ZNF804B: variants seen among roughly 807,000 people sequenced by gnomAD.
The protein encoded by ZNF804B is zinc finger 804B.
ZNF804B carries 80 observed loss-of-function variants against 101.4 expected under a neutral mutation model. The ratio of observed to expected loss-of-function variants is 0.79; its 90% confidence interval spans 0.66 to 0.95. The LOEUF (loss-of-function observed/expected upper bound fraction) is 0.95, where lower values mean the gene tolerates loss of function less well. Among genes scored for constraint, ZNF804B ranks in the 40% least tolerant of loss-of-function variants. ZNF804B has a pLI of 0.00. For synonymous variants in ZNF804B, 622 were observed against 558.8 expected (o/e 1.11, Z -1.59); for missense variants, 1,673 against 1,561.9 (o/e 1.07, Z -1.20).
intron 1 of ZNF804B, among the ~76,000 whole-genome samples, chr7:89,035,509 TG>T (rs1788911997): frequency 6.6e-6 from 1 of 151,938 alleles, no homozygotes; most frequent in African/African-American, 2.4e-5. Flanking sequence ...TCACACATGA[TG>T]GAAAAAAATG....
At chr7:89,016,396 A>T (rs1307320174) in intron 1 of ZNF804B, among the ~76,000 whole-genome samples, 1 of 150,024 alleles carries the variant, frequency 6.7e-6, no homozygotes, top group Middle Eastern at 3.3e-3. Context: ...GGTGTTTTAG[A>T]CATGAAGTCC....
intron 1 of ZNF804B, among the ~76,000 whole-genome samples, chr7:88,876,182 CAG>C (rs1791936899): frequency 6.6e-6 from 1 of 152,198 alleles, no homozygotes; most frequent in African/African-American, 2.4e-5. Flanking sequence ...CTTTCCCAGA[CAG>C]ATCAGTTTTA....
At chr7:89,170,578 A>G (rs1201493868) in intron 1 of ZNF804B, among the ~76,000 whole-genome samples, 1 of 152,178 alleles carries the variant, frequency 6.6e-6, no homozygotes, top group Non-Finnish European at 1.5e-5. Flanking sequence ...AGGATTTGTG[A>G]GTCTCCAGTA....
At chr7:89,142,506 C>T (rs1490874034) in intron 1 of ZNF804B, among the ~76,000 whole-genome samples, 2 of 151,962 alleles carry the variant, frequency 1.3e-5, no homozygotes, top group Non-Finnish European at 2.9e-5. Flanking sequence ...CTCTTGGTAT[C>T]CATTGCTTTG....
chr7:88,771,317 GT>G (rs1163624043), intron 1 of ZNF804B, among the ~76,000 whole-genome samples: 1 of 152,042 alleles, frequency 6.6e-6, no homozygotes, highest in Non-Finnish European at 1.5e-5. Flanking sequence ...TCTAGACATA[GT>G]GGCATATAAA....
intron 1 of ZNF804B, among the ~76,000 whole-genome samples, chr7:88,786,763 A>G (rs954423921): frequency 6.6e-6 from 1 of 152,118 alleles, no homozygotes. Context: ...TTCCATTTCA[A>G]TAATGAAAAT....
intron 1 of ZNF804B, among the ~76,000 whole-genome samples, chr7:88,916,989 G>A (rs1041512535): frequency 5.9e-5 from 9 of 152,098 alleles, no homozygotes; most frequent in Non-Finnish European, 1.3e-4. Context: ...ATTGGGCTGG[G>A]TGCGGTGGCT....
At chr7:89,155,251 G>A (rs906887936) in intron 1 of ZNF804B, among the ~76,000 whole-genome samples, 1 of 151,958 alleles carries the variant, frequency 6.6e-6, no homozygotes, top group Non-Finnish European at 1.5e-5. Flanking sequence ...ACTTCACACT[G>A]GATAAATCCA....
At chr7:89,075,807 C>A (rs1206329214) in intron 1 of ZNF804B, among the ~76,000 whole-genome samples, 1 of 152,202 alleles carries the variant, frequency 6.6e-6, no homozygotes, top group East Asian at 1.9e-4. Context: ...GGAGGCTGTA[C>A]CCTTAACAGC....
intron 3 of ZNF804B, among the ~76,000 whole-genome samples, chr7:89,331,066 G>A (rs1398893301): frequency 6.6e-6 from 1 of 151,408 alleles, no homozygotes; most frequent in African/African-American, 2.4e-5. Flanking sequence ...AATTGGGAAA[G>A]GAAGAACAAT....
At chr7:89,244,258 T>C (rs1445113142) in intron 2 of ZNF804B, among the ~76,000 whole-genome samples, 1 of 152,074 alleles carries the variant, frequency 6.6e-6, no homozygotes, top group Non-Finnish European at 1.5e-5. Flanking sequence ...CTATACAGCT[T>C]ATGACAAAGA....
intron 1 of ZNF804B, among the ~76,000 whole-genome samples, chr7:89,169,517 G>C (rs925804051): frequency 1.3e-5 from 2 of 152,112 alleles, no homozygotes; most frequent in African/African-American, 2.4e-5. Flanking sequence ...ACCTTCCCCA[G>C]CTAGGCTTAG....
intron 1 of ZNF804B, among the ~76,000 whole-genome samples, chr7:89,078,008 T>C (rs917587109): frequency 6.6e-6 from 1 of 152,110 alleles, no homozygotes; most frequent in Non-Finnish European, 1.5e-5. Flanking sequence ...TAAATAAGGC[T>C]AATAAGAGCA....
chr7:89,084,767 ATCT>A (rs1789763228), intron 1 of ZNF804B, among the ~76,000 whole-genome samples: 1 of 151,924 alleles, frequency 6.6e-6, no homozygotes, highest in African/African-American at 2.4e-5. Context: ...AAAACAAACC[ATCT>A]TCTTTAAAAC....
rs141027739 is a variant in ZNF804B, at chr7:88,785,760, G to C, written c.108+25676G>C. Among the ~76,000 whole-genome samples, 7 of 152,086 alleles carry C rather than the reference G, an allele frequency of 4.6e-5. No homozygotes were observed. In the East Asian group the frequency reaches 1.4e-3, roughly 29 times the overall value. ...CAGATTTTAGAATATCCCTCTGCTA[G>C]AATACATACATATATAGATAAGTAC... On this transcript the variant is annotated intron_variant, in intron 1 of 3. Transcript: ENST00000333190.
intron 1 of ZNF804B, among the ~76,000 whole-genome samples, chr7:89,159,612 C>G (rs933216242): frequency 1.3e-5 from 2 of 152,164 alleles, no homozygotes; most frequent in African/African-American, 2.4e-5. Context: ...GTCATTTTCA[C>G]TAACTTCATG....
intron 2 of ZNF804B, among the ~76,000 whole-genome samples, chr7:89,281,954 C>T (rs73399193): frequency 0.016 from 2,466 of 152,172 alleles, 65 homozygotes; most frequent in African/African-American, 0.055. Flanking sequence ...AACAATGTAA[C>T]CTTTTGGGAG....
chr7:89,297,020 G>A (rs149033635), intron 2 of ZNF804B, among the ~76,000 whole-genome samples: 2 of 152,052 alleles, frequency 1.3e-5, no homozygotes, highest in East Asian at 3.9e-4. Flanking sequence ...GTACAAAATT[G>A]AGCGGTCAAG....
chr7:88,795,169 A>G, intron 1 of ZNF804B: 1 of 381,772 alleles, frequency 2.6e-6, no homozygotes, highest in Non-Finnish European at 4.7e-6. Context: ...TTAAAACAAT[A>G]CTCAAACTAT....
Sources: allele counts gnomAD v4.1 joint callset (sites outside exome capture counted in the v4.1 genomes callset), GRCh38; gene constraint gnomAD v4.1.1; transcripts MANE v1.5; gene names NCBI Gene and HGNC (gene_info 2026-07-23, HGNC 2026-07-21).